The following HMBOX1 variants were observed in gnomAD, a reference collection of about 807,000 sequenced individuals.
The protein encoded by HMBOX1 is homeobox-containing protein 1.
Under a neutral mutation model 54.5 loss-of-function variants are expected in HMBOX1, and 14 were observed. The ratio of observed to expected loss-of-function variants is 0.26; its 90% CI spans 0.17 to 0.40. The LOEUF is 0.40. Ranked by LOEUF, HMBOX1 falls within the 10% of genes least tolerant of loss-of-function variation. HMBOX1 has a pLI of 1.00. For missense variants in HMBOX1, 332 were observed against 514.4 expected (o/e 0.65, Z 3.43); for synonymous variants, 160 against 181.0 (o/e 0.88, Z 0.93).
intron 4 of HMBOX1, among the ~76,000 whole-genome samples, chr8:29,007,975 C>T (rs1029679881): frequency 2.0e-5 from 3 of 152,062 alleles, no homozygotes; most frequent in Non-Finnish European, 2.9e-5. Flanking sequence ...CCCAGGACCT[C>T]CTGCTTTTTC....
At chr8:28,996,063 G>A (rs377099075) in intron 4 of HMBOX1, among the ~76,000 whole-genome samples, 5 of 151,874 alleles carry the variant, frequency 3.3e-5, no homozygotes, top group African/African-American at 9.7e-5. Flanking sequence ...CCGAGATCAC[G>A]CCACTGCACT....
intron 1 of HMBOX1, among the ~76,000 whole-genome samples, chr8:28,893,513 G>T (rs186259083): frequency 5.9e-5 from 9 of 152,218 alleles, no homozygotes; most frequent in Admixed American, 2.6e-4. Flanking sequence ...TCACAAATAC[G>T]CATCAAGGAA....
chr8:29,013,498 G>T (rs568546271), intron 5 of HMBOX1, among the ~76,000 whole-genome samples: 21 of 152,200 alleles, frequency 1.4e-4, no homozygotes, highest in African/African-American at 4.6e-4. Context: ...TTTTTTGTAA[G>T]TTTCTCTTTA....
intron 4 of HMBOX1, among the ~76,000 whole-genome samples, chr8:29,007,120 C>T (rs1037049833): frequency 6.6e-6 from 1 of 151,760 alleles, no homozygotes; most frequent in Non-Finnish European, 1.5e-5. Flanking sequence ...GAAACCCCAT[C>T]CCTACTAAAA....
chr8:29,024,200 A>G, intron 6 of HMBOX1, among the ~76,000 whole-genome samples: 1 of 152,202 alleles, frequency 6.6e-6, no homozygotes. Context: ...AGTGAATGCT[A>G]TTATGACAAA....
intron 1 of HMBOX1, among the ~76,000 whole-genome samples, chr8:28,950,778 T>A (rs1175903502): frequency 6.6e-6 from 1 of 152,118 alleles, no homozygotes; most frequent in Non-Finnish European, 1.5e-5. Context: ...TTCAACAGAG[T>A]TTACCAGTTA....
chr8:28,895,634 C>T (rs1009435569), intron 1 of HMBOX1, among the ~76,000 whole-genome samples: 15 of 150,840 alleles, frequency 9.9e-5, no homozygotes, highest in Admixed American at 6.6e-4. Flanking sequence ...GAGATTGCGC[C>T]GCTGCACTCC....
At position 28,970,183 on chromosome 8, in the gene HMBOX1, A is replaced by C; in HGVS notation, c.164A>C (p.Gln55Pro). The C allele has an allele frequency of 6.2e-7, 1 of 1,614,204 alleles. No individual in the cohort carries two copies. Residue 55 changes from glutamine (Q) to proline (P), a missense_variant, in exon 3 of 10, where the codon CAA becomes CCA. By Grantham distance (76) the Gln-to-Pro change is moderately conservative (BLOSUM62 -1). This residue lies in a region of HMBOX1 where 146 missense variants were observed against 173.3 expected (regional missense o/e 0.84). Transcript: ENST00000287701. This position sits in a 1 kb window ranked among gnomAD's most constrained non-coding sequence, Gnocchi z 4.3. ...TTGGAAACTTTGGACCGTCTTGATCAAGAGCATAGTGACAAGTTTGGAAGA... is the reference window on the plus strand; with the variant it reads ...TTGGAAACTTTGGACCGTCTTGATCCAGAGCATAGTGACAAGTTTGGAAGA... ...HALETLDRLDQEHSDKFGRRS... is the reference protein window; with the variant it reads ...HALETLDRLDPEHSDKFGRRS...
At chr8:28,898,302 C>T (rs1447580009) in intron 1 of HMBOX1, among the ~76,000 whole-genome samples, 1 of 152,116 alleles carries the variant, frequency 6.6e-6, no homozygotes, top group Non-Finnish European at 1.5e-5. Flanking sequence ...GATGGTACTT[C>T]CTGATAAATA....
At chr8:29,043,086 G>A (rs1249052409) in intron 6 of HMBOX1, among the ~76,000 whole-genome samples, 1 of 152,120 alleles carries the variant, frequency 6.6e-6, no homozygotes, top group Non-Finnish European at 1.5e-5. Context: ...AAGGCACCCC[G>A]TTTATTTCAG....
At chr8:28,964,362 A>G (rs1457943262) in intron 2 of HMBOX1, among the ~76,000 whole-genome samples, 1 of 152,192 alleles carries the variant, frequency 6.6e-6, no homozygotes, top group Non-Finnish European at 1.5e-5. Context: ...AGTTAAGCCT[A>G]TTAGCTGATG....
At chr8:28,994,094 G>T (rs985847472) in intron 4 of HMBOX1, among the ~76,000 whole-genome samples, 4 of 151,180 alleles carry the variant, frequency 2.6e-5, no homozygotes, top group Admixed American at 2.6e-4. Flanking sequence ...TTGAACTCAG[G>T]AGGTGGAGGC....
In HMBOX1 at chr8:29,053,064, C is replaced by CACTT. The variant is rs1308293877; in HGVS notation, c.*1911_*1914dup. The CACTT allele has an allele frequency of 1.3e-5, 2 of 152,590 alleles. No homozygotes were observed. The highest frequency in any genetic ancestry group is 2.9e-5 in the Non-Finnish European group (2 of 68,028). The allele number at this position is 152,590 out of a possible 1,614,324, so 9.5% of individuals were successfully genotyped here. On this transcript the variant is annotated 3_prime_UTR_variant, in exon 10 of 10. Coordinates refer to ENST00000287701, the MANE Select transcript of HMBOX1 (RefSeq NM_001135726.3). ...CGCCAGTTTGTAGTTGGTTTCCTTC[C>CACTT]ACTTAAGGCACACGCTGACTGCATC...
intron 1 of HMBOX1, among the ~76,000 whole-genome samples, chr8:28,899,758 C>G (rs1391833176): frequency 1.3e-5 from 2 of 152,038 alleles, no homozygotes; most frequent in African/African-American, 2.4e-5. Flanking sequence ...ATTATATTAC[C>G]AAACCAGGGC....
At position 29,051,420 on chromosome 8, in the gene HMBOX1, G is replaced by A. The variant is rs773882988; in HGVS notation, c.*265G>A. ...CGAGGCTAGAAAATCTTGCTGCTCC[G>A]TCTTAGCATTCCAAGAAAGTGCTTC... On this transcript the variant is annotated 3_prime_UTR_variant, in exon 10 of 10. Coordinates refer to ENST00000287701, the MANE Select transcript of HMBOX1 (RefSeq NM_001135726.3). 41 of 672,412 alleles carry A rather than the reference G, an allele frequency of 6.1e-5. No individual in the cohort carries two copies. The highest frequency in any genetic ancestry group is 1.9e-4 in the African/African-American group (11 of 56,540). 41.7% of individuals were successfully genotyped at this position (672,412 alleles called of 1,614,324 possible).
intron 4 of HMBOX1, among the ~76,000 whole-genome samples, chr8:28,991,788 C>G (rs1357578221): frequency 6.6e-6 from 1 of 152,180 alleles, no homozygotes; most frequent in Non-Finnish European, 1.5e-5. Flanking sequence ...AGCTGAATCC[C>G]TATCAACATC....
chr8:28,917,577 G>T (rs1296835684), intron 1 of HMBOX1, among the ~76,000 whole-genome samples: 1 of 151,700 alleles, frequency 6.6e-6, no homozygotes. Flanking sequence ...AAAACTTTTG[G>T]TATGATACTG....
chr8:28,959,335 G>A (rs4559202), intron 1 of HMBOX1, among the ~76,000 whole-genome samples: 99,219 of 151,948 alleles, frequency 0.65, 32,542 homozygotes, highest in East Asian at 0.75. Flanking sequence ...GACAGCTAGT[G>A]AGTGAGTAAG....
intron 1 of HMBOX1, among the ~76,000 whole-genome samples, chr8:28,901,710 A>G (rs1484376309): frequency 6.6e-6 from 1 of 151,994 alleles, no homozygotes; most frequent in Non-Finnish European, 1.5e-5. Flanking sequence ...CATATGCCAA[A>G]TTTTCGTCCC....
Sources: gnomAD v4.1 joint callset for allele counts (sites outside exome capture counted in the v4.1 genomes callset) on GRCh38, gnomAD v4.1.1 for gene constraint, gnomAD v4.1.1 regional missense constraint, Gnocchi (gnomAD v3.1) non-coding constraint, MANE v1.5 for transcripts, NCBI Gene and HGNC (gene_info 2026-07-23, HGNC 2026-07-21) for gene names.